Variants in ABCA2 observed in about 807,000 individuals in gnomAD.
ABCA2 encodes ATP-binding cassette sub-family A member 2.
Under a neutral mutation model 262.8 loss-of-function variants are expected in ABCA2, and 84 were observed. The observed-to-expected ratio is 0.32, with a 90% CI of 0.27 to 0.38. The LOEUF is 0.38. Among genes scored for constraint, ABCA2 ranks in the 10% least tolerant of loss-of-function variants. ABCA2 has a pLI of 1.00. For missense variants in ABCA2, 2,662 were observed against 3,405.9 expected (o/e 0.78, Z 5.44); for synonymous variants, 1,696 against 1,502.9 (o/e 1.13, Z -2.97).
intron 1 of ABCA2, among the ~76,000 whole-genome samples, chr9:137,024,828 T>TCA (rs1312770755): frequency 3.4e-5 from 5 of 147,930 alleles, no homozygotes; most frequent in African/African-American, 1.3e-4. Context: ...AGACGGAGTC[T>TCA]CACTCTGTCA....
At chr9:137,023,630 G>A (rs1831552532) in intron 3 of ABCA2, 3 of 697,568 alleles carry the variant, frequency 4.3e-6, no homozygotes, top group Admixed American at 4.0e-5. Context: ...GGCACCAGCT[G>A]TGCCTTTAGG....
Position 137,020,441 on chromosome 9 carries a change from C to G in ABCA2, c.1320G>C (p.Thr440=), listed in dbSNP as rs56164699. The G allele has an allele frequency of 6.2e-7, 1 of 1,611,728 alleles. No homozygotes were observed. Among genetic ancestry groups the G allele is most frequent in the Non-Finnish European group, 8.5e-7 (1 of 1,179,468 alleles). The change falls in exon 10 of 49, where the codon ACG becomes ACC. Residue 440 remains threonine, a synonymous_variant. Coordinates refer to ENST00000341511, the MANE Select transcript of ABCA2 (RefSeq NM_001606.5). ...RRGNMSSLGF[T]SKEQRNLGLL... ...GGCCCAGGTTCCGCTGCTCCTTGCT[C>G]GTGAAGCCCAGGGAGCTCATGTTGC...
intron 28 of ABCA2, 49 bp from the exon 29 acceptor site, chr9:137,013,612 C>T (rs373787917): frequency 9.7e-5 from 150 of 1,540,818 alleles, no homozygotes; most frequent in East Asian, 6.9e-4. Flanking sequence ...CTCTGGCCAG[C>T]GGCCCCCAAG....
At position 137,016,404 on chromosome 9, in the gene ABCA2, G is replaced by A; in HGVS notation, c.2991C>T (p.Thr997=). Residue 997 remains threonine, a synonymous_variant, in exon 21 of 49, where the codon ACC becomes ACT. Coordinates refer to ENST00000341511, the MANE Select transcript of ABCA2 (RefSeq NM_001606.5). ...GCTTCTTGTCGTCCTTGTAGACCTT[G>A]GTGAGTTTGTCCACGCAGACAACCA... The part of the protein sequence containing the change: ...LPLVVCVDKL[T]KVYKDDKKLA... 6.2e-7 allele frequency: 1 copy of A among 1,612,880 alleles called. No individual in the cohort carries two copies. The highest frequency in any genetic ancestry group is 8.5e-7 in the Non-Finnish European group (1 of 1,179,968).
At chr9:137,016,779 G>A (rs1451906456) in intron 19 of ABCA2, 41 bp from the exon 20 acceptor site, 2 of 1,542,270 alleles carry the variant, frequency 1.3e-6, no homozygotes, top group Non-Finnish European at 1.7e-6. Context: ...CCTAGGGCCT[G>A]GGGTGACCAT....
In ABCA2 at chr9:137,017,148, C is replaced by G. The variant is rs761762652; in HGVS notation, c.2554-24G>C. ...GACTGAGAAGGCAGTGGTGTCAGCA[C>G]GTGGGGTGGCCCGGCACCCCAGCCG... On this transcript the variant is annotated intron_variant, in intron 18 of 48. Transcript: ENST00000341511. 9.9e-6 allele frequency: 16 copies of G among 1,611,634 alleles called. No individual in the cohort carries two copies. In the South Asian group the frequency reaches 1.5e-4, roughly 15 times the overall value.
At chr9:137,009,328 C>G (rs756249464) in intron 45 of ABCA2, 42 bp downstream of exon 45, 71 of 1,086,668 alleles carry the variant, frequency 6.5e-5, no homozygotes, top group East Asian at 7.7e-5. Context: ...GCCGCCCCCC[C>G]CGGGCCCGCC....
rs1230079249 is a variant in ABCA2 at position 137,014,802 on chromosome 9, C to T, written c.3891G>A (p.Glu1297=). The change falls in exon 26 of 49, where the codon GAG becomes GAA. Residue 1297 remains glutamate (E), a synonymous_variant. Transcript: ENST00000341511. Reference sequence around the variant, plus strand: ...TGAGGTGCAGTGCATCCAGGCTGCGCTCCAGGTGCTGCAGGGGCGGTGGAG... The same window carrying T: ...TGAGGTGCAGTGCATCCAGGCTGCGTTCCAGGTGCTGCAGGGGCGGTGGAG... The part of the protein sequence containing the change: ...GAFERLFQHL[E]RSLDALHLSS... The T allele has an allele frequency of 1.2e-6, 2 of 1,600,236 alleles. No individual in the cohort carries two copies. Among genetic ancestry groups the T allele is most frequent in the South Asian group, 1.1e-5 (1 of 88,668 alleles).
In ABCA2 at chr9:137,013,042, C is replaced by T. The variant is rs1174080916; in HGVS notation, c.4827G>A (p.Leu1609=). ...SDSPASPDED[L]QAWNVSLPPT... is the part of the protein sequence containing the mutation. The stretch of plus-strand genomic sequence containing the variant: ...GCGGCAGGGAGACGTTCCAGGCCTG[C>T]AGGTCCTCATCCGGGGACGCTGGCG... Residue 1609 remains leucine, a synonymous_variant, in exon 30 of 49, where the codon CTG becomes CTA. Coordinates refer to ENST00000341511, the MANE Select transcript of ABCA2 (RefSeq NM_001606.5). 1.2e-5 allele frequency: 18 copies of T among 1,538,134 alleles called. No homozygotes were observed. Among genetic ancestry groups the T allele is most frequent in the Non-Finnish European group, 1.6e-5 (18 of 1,143,560 alleles).
rs1430369199 is a variant in ABCA2, at chr9:137,008,972, G to A, written c.6909C>T (p.Asn2303=). The A allele has an allele frequency of 1.3e-6, 2 of 1,592,354 alleles. No individual in the cohort carries two copies. The highest frequency in any genetic ancestry group is 1.7e-6 in the Non-Finnish European group (2 of 1,175,886). ...VKDVVRFFNR[N]FPEAMLKERH... is the part of the protein sequence containing the mutation. ...GCACCTTGAGCATGGCTTCCGGGAA[G>A]TTGCGGTTGAAGAACCGCACCACGT... The change falls in exon 46 of 49, where the codon AAC becomes AAT. Residue 2303 remains asparagine, a synonymous_variant. Coordinates refer to ENST00000341511, the MANE Select transcript of ABCA2 (RefSeq NM_001606.5).
intron 17 of ABCA2, 41 bp from the exon 18 acceptor site, chr9:137,017,387 C>A: frequency 1.2e-6 from 2 of 1,608,804 alleles, no homozygotes; most frequent in African/African-American, 1.3e-5. Context: ...TCCACCCGCA[C>A]GCCCGGCCTC....
rs1330200804 is a variant in ABCA2 at position 137,026,110 on chromosome 9, A to G, written c.67-1874T>C. Among the ~76,000 whole-genome samples the G allele has an allele frequency of 2.0e-5, 3 of 152,208 alleles. No individual in the cohort carries two copies. The East Asian group carries it at 5.8e-4, about 29-fold the overall frequency. On this transcript the variant is annotated intron_variant, in intron 1 of 48. Transcript: ENST00000341511. ...TCTGCCATCCCAGTGACTTCATGACAGTGACCCTGTCCCTGCACCAAGAGC... is the reference window on the plus strand; with the variant it reads ...TCTGCCATCCCAGTGACTTCATGACGGTGACCCTGTCCCTGCACCAAGAGC...
chr9:137,028,823 G>A (rs1179867900), upstream of ABCA2: 1 of 1,307,942 alleles, frequency 7.6e-7, no homozygotes, highest in Non-Finnish European at 1.0e-6. This position sits in a 1 kb window ranked among gnomAD's most constrained non-coding sequence, Gnocchi z 6.9. Context: ...AGCGGAGCAG[G>A]CAGGGGACCG....
rs749306659 is a variant in ABCA2 at position 137,018,317 on chromosome 9, G to C, written c.1854C>G (p.Leu618=). The change falls in exon 14 of 49, where the codon CTC becomes CTG. Residue 618 remains leucine, a synonymous_variant. Transcript: ENST00000341511. The part of the protein sequence containing the change: ...VIFQTRKDGS[L]PPHVHYKIRQ... ...GGATCTTGTAGTGCACGTGAGGCGG[G>C]AGCGAGCCGTCCTTCCGGGTCTGGA... is the stretch of plus-strand genomic sequence containing the variant. 1.2e-6 allele frequency: 2 copies of C among 1,604,752 alleles called. No individual in the cohort carries two copies. Among genetic ancestry groups the C allele is most frequent in the East Asian group, 2.2e-5 (1 of 44,634 alleles).
chr9:137,022,521 G>A (rs758222947), intron 5 of ABCA2, 43 bp from the exon 6 acceptor site: 13 of 1,599,400 alleles, frequency 8.1e-6, no homozygotes, highest in Middle Eastern at 1.7e-4. Flanking sequence ...GCTGCACCTT[G>A]GCAAGGTGCC....
chr9:137,009,646 T>C lies in ABCA2; in HGVS notation c.6631-2A>G. 6.2e-7 allele frequency: 1 copy of C among 1,612,672 alleles called. No homozygotes were observed. Among genetic ancestry groups the C allele is most frequent in the African/African-American group, 1.3e-5 (1 of 75,032 alleles). ...GTCCATGCCTGTGGTGGGCTCGTCCTGGGGATGGGTGGCAGGCTCAGCTGC... is the reference window on the plus strand; with the variant it reads ...GTCCATGCCTGTGGTGGGCTCGTCCCGGGGATGGGTGGCAGGCTCAGCTGC... On this transcript the variant is annotated splice_acceptor_variant, in intron 43 of 48. Transcript: ENST00000341511. LOFTEE classifies it high-confidence loss of function.
rs747826133 is a variant in ABCA2 at position 137,008,725 on chromosome 9, G to A, written c.7068+6C>T. On this transcript the variant is annotated splice_donor_region_variant and intron_variant, in intron 47 of 48. Transcript: ENST00000341511. Reference sequence around the variant, plus strand: ...GTGTGGTGCGCAGTGCCCTTGGGGCGCTCACATTGTCCAGTGTGGTCTGGC... The same window carrying A: ...GTGTGGTGCGCAGTGCCCTTGGGGCACTCACATTGTCCAGTGTGGTCTGGC... The A allele has an allele frequency of 1.2e-5, 19 of 1,574,524 alleles. No homozygotes were observed. Among genetic ancestry groups the A allele is most frequent in the Middle Eastern group, 1.7e-4 (1 of 6,040 alleles).
At chr9:137,025,546 C>T (rs1831627124) in intron 1 of ABCA2, among the ~76,000 whole-genome samples, 1 of 152,216 alleles carries the variant, frequency 6.6e-6, no homozygotes, top group Admixed American at 6.5e-5. Context: ...GGCTTTGTGG[C>T]CAGGAACATC....
At chr9:137,015,934 T>TGGGGCGGGG in intron 22 of ABCA2, 28 bp downstream of exon 22, 1 of 654,352 alleles carries the variant, frequency 1.5e-6, no homozygotes, top group Non-Finnish European at 2.1e-6. Context: ...TCCGCCCACC[T>TGGGGCGGGG]GCCCCGCCCC....
Sources: allele counts gnomAD v4.1 joint callset (sites outside exome capture counted in the v4.1 genomes callset), GRCh38; gene constraint gnomAD v4.1.1; non-coding constraint Gnocchi (gnomAD v3.1); transcripts MANE v1.5; gene names NCBI Gene and HGNC (gene_info 2026-07-23, HGNC 2026-07-21).